Variants in ME3 observed in about 807,000 individuals in gnomAD.
The protein encoded by ME3 is malic enzyme 3, also known as NADP-dependent malic enzyme, mitochondrial.
In ME3, 48 loss-of-function variants were observed where a neutral mutation model predicts 68.9. The observed-to-expected ratio is 0.70, with a 90% CI of 0.55 to 0.89. The LOEUF (loss-of-function observed/expected upper bound fraction) is 0.89. ME3 is among the 40% of genes least tolerant of loss of function. The probability of loss-of-function intolerance (pLI) is 0.00; values close to 1 mark genes in which losing one functional copy is unlikely to be tolerated. For synonymous variants in ME3, 320 were observed against 318.8 expected, an observed-to-expected ratio of 1.00 and a Z score of -0.04; for missense variants, 675 against 797.4, an observed-to-expected ratio of 0.85 and a Z score of 1.85.
At chr11:86,553,759 A>G (rs780188125) in intron 4 of ME3, among the ~76,000 whole-genome samples, 13 of 152,176 alleles carry the variant, frequency 8.5e-5, no homozygotes, top group Non-Finnish European at 1.8e-4. Context: ...AATTCCTCCC[A>G]GGAGAGCTCT....
At chr11:86,558,584 G>A (rs565595972) in intron 3 of ME3, among the ~76,000 whole-genome samples, 73 of 152,230 alleles carry the variant, frequency 4.8e-4, no homozygotes, top group African/African-American at 1.7e-3. Context: ...TGCTCCTAGG[G>A]GGACAGCCAC....
chr11:86,509,750 G>A (rs1953376168), intron 4 of ME3, among the ~76,000 whole-genome samples: 1 of 97,556 alleles, frequency 1.0e-5, no homozygotes, highest in Non-Finnish European at 2.1e-5. Context: ...CACACAGGGG[G>A]ATTGGCAAAA....
chr11:86,595,662 G>A (rs1227214393), intron 2 of ME3, among the ~76,000 whole-genome samples: 1 of 152,230 alleles, frequency 6.6e-6, no homozygotes, highest in African/African-American at 2.4e-5. Flanking sequence ...GGGAAGTGTG[G>A]AGAACTGGGA....
At chr11:86,641,323 A>G (rs1944661295) in intron 2 of ME3, among the ~76,000 whole-genome samples, 1 of 152,232 alleles carries the variant, frequency 6.6e-6, no homozygotes, top group Admixed American at 6.5e-5. Flanking sequence ...TTATTTGACC[A>G]AAGATGCTAA....
At chr11:86,662,409 C>T (rs1269195185) in intron 2 of ME3, among the ~76,000 whole-genome samples, 1 of 151,868 alleles carries the variant, frequency 6.6e-6, no homozygotes, top group Non-Finnish European at 1.5e-5. Context: ...GCCAACATAA[C>T]AAGACCTTGT....
At chr11:86,590,266 G>A (rs1453641530) in intron 2 of ME3, among the ~76,000 whole-genome samples, 1 of 152,190 alleles carries the variant, frequency 6.6e-6, no homozygotes, top group Non-Finnish European at 1.5e-5. Flanking sequence ...TCTACTATGT[G>A]GGGCTAACTG....
At chr11:86,520,486 TA>T (rs978786877) in intron 4 of ME3, among the ~76,000 whole-genome samples, 1 of 152,184 alleles carries the variant, frequency 6.6e-6, no homozygotes, top group African/African-American at 2.4e-5. Context: ...CAATGGGGTA[TA>T]ACAGAAACAT....
chr11:86,443,890 A>C (rs575271244), intron 13 of ME3, among the ~76,000 whole-genome samples: 1 of 152,274 alleles, frequency 6.6e-6, no homozygotes, highest in African/African-American at 2.4e-5. Context: ...TGGCTCCTTC[A>C]AACTCCTTCC....
At chr11:86,437,909 C>T (rs1778230459), downstream of ME3, among the ~76,000 whole-genome samples, 1 of 151,448 alleles carries the variant, frequency 6.6e-6, no homozygotes, top group Non-Finnish European at 1.5e-5. Context: ...TTTTTACATG[C>T]AGGATTAGGT....
intron 2 of ME3, among the ~76,000 whole-genome samples, chr11:86,579,919 G>A (rs1052590245): frequency 2.0e-5 from 3 of 152,138 alleles, no homozygotes; most frequent in African/African-American, 7.2e-5. Context: ...AAAAGAAAGT[G>A]AAAAGAAAAT....
At chr11:86,457,819 T>A in intron 8 of ME3, 1 of 1,253,800 alleles carries the variant, frequency 8.0e-7, no homozygotes, top group Non-Finnish European at 1.0e-6. Context: ...CATAATTACA[T>A]TTCCTGCAAA....
chr11:86,588,136 A>G (rs1958846702), intron 2 of ME3, among the ~76,000 whole-genome samples: 1 of 152,230 alleles, frequency 6.6e-6, no homozygotes, highest in Non-Finnish European at 1.5e-5. Context: ...GGCATGAACA[A>G]GATAGGCACA....
intron 2 of ME3, among the ~76,000 whole-genome samples, chr11:86,660,106 A>G (rs575167147): frequency 1.3e-5 from 2 of 152,226 alleles, no homozygotes; most frequent in African/African-American, 4.8e-5. Context: ...TGTCTAGATT[A>G]TCCAGGCTTA....
chr11:86,512,331 C>G (rs1043044256), intron 4 of ME3, among the ~76,000 whole-genome samples: 5 of 152,224 alleles, frequency 3.3e-5, no homozygotes, highest in Admixed American at 6.5e-5. Flanking sequence ...ACAAACTTGT[C>G]ACATTTATTT....
intron 2 of ME3, 41 bp from the exon 3 acceptor site, chr11:86,559,864 AC>A (rs1434935950): frequency 2.5e-6 from 4 of 1,596,426 alleles, no homozygotes; most frequent in Non-Finnish European, 3.4e-6. Context: ...ATAAGTGCAT[AC>A]TCAGGAGACA....
chr11:86,664,235 C>T (rs1946457238), intron 2 of ME3, among the ~76,000 whole-genome samples: 1 of 152,140 alleles, frequency 6.6e-6, no homozygotes, highest in Non-Finnish European at 1.5e-5. Context: ...AAATAAATCT[C>T]CCATAATCTC....
intron 5 of ME3, among the ~76,000 whole-genome samples, chr11:86,498,533 C>T (rs923773704): frequency 4.6e-5 from 7 of 152,242 alleles, no homozygotes; most frequent in Admixed American, 6.5e-5. Context: ...GCTGCTGCTA[C>T]AGCTCCAGGG....
chr11:86,449,949 T>TAC lies in ME3; in HGVS notation c.1069_1070dup (p.Pro358TyrfsTer26), dbSNP rs757783757. The TAC allele has an allele frequency of 6.2e-7, 1 of 1,614,090 alleles. No individual in the cohort carries two copies. The highest frequency in any genetic ancestry group is 1.7e-5 in the Admixed American group (1 of 60,004). ...TCTTTCTTGTGGCCTCTGCCTTCGG[T>TAC]ACACCTTCTTTCTCTAGGGCCATGA... On this transcript the variant is annotated frameshift_variant, in exon 10 of 15. Coordinates refer to ENST00000543262, the Ensembl canonical transcript of ME3. LOFTEE classifies it high-confidence loss of function.
chr11:86,526,974 G>A (rs1272683732), intron 4 of ME3, among the ~76,000 whole-genome samples: 1 of 152,180 alleles, frequency 6.6e-6, no homozygotes, highest in Non-Finnish European at 1.5e-5. Flanking sequence ...TCCTCCAAAG[G>A]AACGCAGCTC....
Sources: allele counts gnomAD v4.1 joint callset (sites outside exome capture counted in the v4.1 genomes callset), GRCh38; gene constraint gnomAD v4.1.1; transcripts MANE v1.5; gene names NCBI Gene and HGNC (gene_info 2026-07-23, HGNC 2026-07-21).